Variants in OSTM1 observed in about 807,000 individuals in gnomAD.
OSTM1 encodes the protein osteopetrosis-associated transmembrane protein 1.
Under a neutral mutation model 35.4 loss-of-function variants are expected in OSTM1, and 26 were observed. The observed-to-expected ratio is 0.73, with a 90% CI of 0.54 to 1.02. The LOEUF (loss-of-function observed/expected upper bound fraction) is 1.02, where lower values mean the gene tolerates loss of function less well. Ranked by LOEUF, OSTM1 falls within the 50% of genes least tolerant of loss-of-function variation. The probability of loss-of-function intolerance (pLI) is 0.00; values close to 1 mark genes in which losing one functional copy is unlikely to be tolerated. For missense variants in OSTM1, 366 were observed against 409.6 expected, an observed-to-expected ratio of 0.89 and a Z score of 0.92; for synonymous variants, 181 against 165.0, an observed-to-expected ratio of 1.10 and a Z score of -0.75.
At chr6:108,048,535 A>G (rs906834899) in intron 5 of OSTM1, among the ~76,000 whole-genome samples, 2 of 152,162 alleles carry the variant, frequency 1.3e-5, no homozygotes, top group African/African-American at 4.8e-5. Context: ...TTCACAAACA[A>G]ACTGTCTGTT....
intron 3 of OSTM1, 45 bp from the exon 4 acceptor site, chr6:108,051,243 T>A: frequency 7.4e-7 from 1 of 1,354,168 alleles, no homozygotes; most frequent in Non-Finnish European, 1.0e-6. Context: ...AAACATTATA[T>A]ACAATATCTC....
In OSTM1 at chr6:108,042,249, T is replaced by C. The variant is rs1771879123; in HGVS notation, c.*2536A>G. ...GAGTTCAAGACCAGCTTGGGCAACATAGTGAGACACTGTCTCTACAAAAAA... is the reference window on the plus strand; with the variant it reads ...GAGTTCAAGACCAGCTTGGGCAACACAGTGAGACACTGTCTCTACAAAAAA... On this transcript the variant is annotated 3_prime_UTR_variant, in exon 6 of 6. Coordinates refer to ENST00000193322, the MANE Select transcript of OSTM1 (RefSeq NM_014028.4). 9.2e-6 allele frequency: 1 copy of C among 108,436 alleles called. No individual in the cohort carries two copies. The highest frequency in any genetic ancestry group is 1.4e-4 in the Admixed American group (1 of 7,134). The allele number at this position is 108,436 out of a possible 1,614,324, so 6.7% of individuals were successfully genotyped here.
chr6:108,063,490 ATCTT>A (rs1002760338), intron 2 of OSTM1, among the ~76,000 whole-genome samples: 1 of 152,222 alleles, frequency 6.6e-6, no homozygotes, highest in African/African-American at 2.4e-5. Context: ...TTGTAAATAT[ATCTT>A]TCTCACTCAT....
intron 2 of OSTM1, among the ~76,000 whole-genome samples, chr6:108,058,714 C>T (rs200382101): frequency 6.6e-6 from 1 of 151,998 alleles, no homozygotes; most frequent in Admixed American, 6.5e-5. Flanking sequence ...GGAGGCGGAG[C>T]TTGCAGTGAA....
At position 108,042,591 on chromosome 6, in the gene OSTM1, T is replaced by C. The variant is rs913903177; in HGVS notation, c.*2194A>G. On this transcript the variant is annotated 3_prime_UTR_variant, in exon 6 of 6. Coordinates refer to ENST00000193322, the MANE Select transcript of OSTM1 (RefSeq NM_014028.4). ...CCACCATACCCAGCTAATTTTTGTATTTTTTGCAGAGACAGTGTTTCACTA... is the reference window on the plus strand; with the variant it reads ...CCACCATACCCAGCTAATTTTTGTACTTTTTGCAGAGACAGTGTTTCACTA... 6.6e-6 allele frequency: 1 copy of C among 151,912 alleles called. No homozygotes were observed. Among genetic ancestry groups the C allele is most frequent in the Non-Finnish European group, 1.5e-5 (1 of 67,978 alleles). The allele number at this position is 151,912 out of a possible 1,614,324, so 9.4% of individuals were successfully genotyped here.
chr6:108,056,622 T>C lies in OSTM1; in HGVS notation c.518-2035A>G, dbSNP rs138654896. Among the ~76,000 whole-genome samples the C allele has an allele frequency of 6.6e-5, 10 of 152,278 alleles. No homozygotes were observed. In the East Asian group the frequency reaches 1.9e-3, roughly 29 times the overall value. ...GAAAAAGATATTCCCTCTGGGTAGATAAATTACAAAAGGTCATTCCTGCCT... is the reference window on the plus strand; with the variant it reads ...GAAAAAGATATTCCCTCTGGGTAGACAAATTACAAAAGGTCATTCCTGCCT... On this transcript the variant is annotated intron_variant, in intron 2 of 5. Transcript: ENST00000193322.
Position 108,074,556 on chromosome 6 carries a change from C to A in OSTM1, c.96G>T (p.Ala32=), listed in dbSNP as rs1393074454. Residue 32 remains alanine, a synonymous_variant, in exon 1 of 6, where the codon GCG becomes GCT. Transcript: ENST00000193322. The part of the protein sequence containing the change: ...LLLWSGLALG[A]LPFGSSPHRV... ...TGTGCGGACTGCTGCCGAAGGGGAG[C>A]GCGCCCAGGGCCAGCCCCGACCACA... 15 of 1,557,730 alleles carry A rather than the reference C, an allele frequency of 9.6e-6. No homozygotes were observed. Among genetic ancestry groups the A allele is most frequent in the Non-Finnish European group, 1.3e-5 (15 of 1,153,826 alleles).
chr6:108,073,050 TC>T (rs1772514601), intron 1 of OSTM1, among the ~76,000 whole-genome samples: 1 of 152,158 alleles, frequency 6.6e-6, no homozygotes. Context: ...CCTCAGGTGA[TC>T]CCCCTGCCTC....
At chr6:108,062,677 T>A (rs928651778) in intron 2 of OSTM1, among the ~76,000 whole-genome samples, 4 of 151,618 alleles carry the variant, frequency 2.6e-5, no homozygotes, top group African/African-American at 4.8e-5. Flanking sequence ...TACAGGCACA[T>A]GCCACCAAGT....
At position 108,044,043 on chromosome 6, in the gene OSTM1, C is replaced by T. The variant is rs1296562897; in HGVS notation, c.*742G>A. On this transcript the variant is annotated 3_prime_UTR_variant, in exon 6 of 6. Transcript: ENST00000193322. ...ACTTAATGTAATTCACGATGCAAAT[C>T]CTTGGTATAAAAATAATCCATATTG... 6.6e-6 allele frequency: 1 copy of T among 152,396 alleles called. No individual in the cohort carries two copies. The highest frequency in any genetic ancestry group is 1.5e-5 in the Non-Finnish European group (1 of 67,958). The allele number at this position is 152,396 out of a possible 1,614,324, so 9.4% of individuals were successfully genotyped here.
chr6:108,062,073 G>C (rs567876474), intron 2 of OSTM1, among the ~76,000 whole-genome samples: 1 of 151,098 alleles, frequency 6.6e-6, no homozygotes, highest in Non-Finnish European at 1.5e-5. Flanking sequence ...ATATACTATG[G>C]TTTTTTCTGT....
intron 1 of OSTM1, among the ~76,000 whole-genome samples, chr6:108,069,447 G>A (rs1772443652): frequency 6.6e-6 from 1 of 152,074 alleles, no homozygotes; most frequent in African/African-American, 2.4e-5. Context: ...TAACCCAAAT[G>A]ACTAGCACTT....
intron 1 of OSTM1, among the ~76,000 whole-genome samples, chr6:108,065,845 T>TA (rs1373292027): frequency 6.6e-6 from 1 of 152,168 alleles, no homozygotes; most frequent in Non-Finnish European, 1.5e-5. Context: ...CTGGCTATTT[T>TA]AAAAATCAAT....
At chr6:108,056,562 G>A (rs1334969534) in intron 2 of OSTM1, among the ~76,000 whole-genome samples, 1 of 152,202 alleles carries the variant, frequency 6.6e-6, no homozygotes, top group Non-Finnish European at 1.5e-5. Context: ...GTAGACAGGG[G>A]CAGACAGCAC....
rs1300229018 is a variant in OSTM1 at position 108,042,724 on chromosome 6, A to G, written c.*2061T>C. On this transcript the variant is annotated 3_prime_UTR_variant, in exon 6 of 6. Coordinates refer to ENST00000193322, the MANE Select transcript of OSTM1 (RefSeq NM_014028.4). ...ACTGTGTCCAGCTGATGGTACTCATAAAAGTAGGCATCTAAACTCAATACC... is the reference window on the plus strand; with the variant it reads ...ACTGTGTCCAGCTGATGGTACTCATGAAAGTAGGCATCTAAACTCAATACC... The G allele has an allele frequency of 6.6e-6, 1 of 152,176 alleles. No homozygotes were observed. The highest frequency in any genetic ancestry group is 2.4e-5 in the African/African-American group (1 of 41,446). 9.4% of individuals were successfully genotyped at this position (152,176 alleles called of 1,614,324 possible).
At position 108,042,295 on chromosome 6, in the gene OSTM1, A is replaced by AT. The variant is rs2114583984; in HGVS notation, c.*2489dup. 6.7e-6 allele frequency: 1 copy of AT among 149,000 alleles called. No individual in the cohort carries two copies. Among genetic ancestry groups the AT allele is most frequent in the African/African-American group, 2.4e-5 (1 of 40,900 alleles). The allele number at this position is 149,000 out of a possible 1,614,324, so 9.2% of individuals were successfully genotyped here. A position where few individuals can be genotyped will look rare whatever the true frequency, so the allele number is the denominator to read the frequency against. On this transcript the variant is annotated 3_prime_UTR_variant, in exon 6 of 6. Transcript: ENST00000193322. ...AAAAAAAAAAAAAAAAAAATTAATT[A>AT]TAAAAAAAAAAGAAAAAATATATCT...
intron 1 of OSTM1, among the ~76,000 whole-genome samples, chr6:108,070,398 A>G (rs1055451132): frequency 6.6e-6 from 1 of 152,126 alleles, no homozygotes; most frequent in Non-Finnish European, 1.5e-5. Flanking sequence ...GCTATGGTAC[A>G]ATTTATAACA....
intron 1 of OSTM1, among the ~76,000 whole-genome samples, chr6:108,069,051 T>A (rs1383772917): frequency 1.3e-5 from 2 of 152,226 alleles, no homozygotes. Flanking sequence ...TGTAGGTGTC[T>A]GCTTTAATCA....
rs753191662 is a variant in OSTM1, at chr6:108,049,428, G to A, written c.784-10C>T. The stretch of plus-strand genomic sequence containing the variant: ...TTCGAGTGATGTTCATCTGGAACAA[G>A]AGCAAACAATATCTTTCTATTTTAT... On this transcript the variant is annotated splice_polypyrimidine_tract_variant and intron_variant, in intron 4 of 5. Transcript: ENST00000193322. 2.5e-6 allele frequency: 4 copies of A among 1,612,570 alleles called. No individual in the cohort carries two copies. The highest frequency in any genetic ancestry group is 1.7e-6 in the Non-Finnish European group (2 of 1,178,776).
Sources: gnomAD v4.1 joint callset for allele counts (sites outside exome capture counted in the v4.1 genomes callset) on GRCh38, gnomAD v4.1.1 for gene constraint, MANE v1.5 for transcripts, NCBI Gene and HGNC (gene_info 2026-07-23, HGNC 2026-07-21) for gene names.